The following ZNF100 variants were observed in gnomAD, a reference collection of about 807,000 sequenced individuals.
ZNF100 encodes the protein zinc finger protein 100.
ZNF100 carries 12 observed loss-of-function variants against 15.8 expected under a neutral mutation model. That is an observed-to-expected ratio of 0.76 (90% CI 0.49 to 1.23). The LOEUF is 1.23. ZNF100 is among the 50% of genes most tolerant of loss of function. The pLI is 0.00. For missense variants in ZNF100, 670 were observed against 635.6 expected (o/e 1.05, Z -0.58); for synonymous variants, 226 against 214.8 (o/e 1.05, Z -0.45).
chr19:21,744,904 C>T (rs4613201), intron 3 of ZNF100, 37 bp downstream of exon 3: 1,299,559 of 1,586,914 alleles, frequency 0.82, 537,692 homozygotes, highest in Non-Finnish European at 0.85. Flanking sequence ...GAAACCTTTA[C>T]GGTATATTAG....
chr19:21,760,481 C>T (rs2036464402), intron 2 of ZNF100, among the ~76,000 whole-genome samples: 1 of 151,430 alleles, frequency 6.6e-6, no homozygotes, highest in South Asian at 2.1e-4. Context: ...GGGGACAAAG[C>T]AAGACTCCAT....
At position 21,726,631 on chromosome 19, in the gene ZNF100, T is replaced by C; in HGVS notation, c.*52A>G. The C allele has an allele frequency of 6.6e-7, 1 of 1,507,056 alleles. No homozygotes were observed. The highest frequency in any genetic ancestry group is 1.4e-5 in the African/African-American group (1 of 71,284). The allele number at this position is 1,507,056 out of a possible 1,614,324, so 93.4% of individuals were successfully genotyped here. A position where few individuals can be genotyped will look rare whatever the true frequency, so the allele number is the denominator to read the frequency against. ...CACAGGAGTTCCCTCCAGTATGAAT[T>C]TTTTTATGTTTAGTAAGAGTTGAGG... On this transcript the variant is annotated 3_prime_UTR_variant, in exon 5 of 5. Transcript: ENST00000358296.
chr19:21,751,661 A>C lies in ZNF100; in HGVS notation c.97-6594T>G, dbSNP rs1028437683. The C allele has an allele frequency of 2.3e-5, 32 of 1,388,880 alleles. No individual in the cohort carries two copies. The African/African-American group carries it at 4.5e-4, about 19-fold the overall frequency. 86.0% of individuals were successfully genotyped at this position (1,388,880 alleles called of 1,614,324 possible). A position where few individuals can be genotyped will look rare whatever the true frequency, so the allele number is the denominator to read the frequency against. ...AGTTGAGGACATGAATGAAATGGAA[A>C]GGCATTTTTCGGAGCTTCTTCAGTT... On this transcript the variant is annotated intron_variant, in intron 2 of 4. Transcript: ENST00000358296.
Position 21,767,437 on chromosome 19 carries a change from C to G in ZNF100, c.-8G>C, listed in dbSNP as rs2036583632. 1.2e-6 allele frequency: 2 copies of G among 1,614,028 alleles called. No homozygotes were observed. The highest frequency in any genetic ancestry group is 2.2e-5 in the South Asian group (2 of 91,080). ...ACCGGGCACTCTCACCATTTCTAGGCTTCTAGGGGGTCCTGGCGTCTTAGC... is the reference window on the plus strand; with the variant it reads ...ACCGGGCACTCTCACCATTTCTAGGGTTCTAGGGGGTCCTGGCGTCTTAGC... On this transcript the variant is annotated 5_prime_UTR_variant, in exon 1 of 5. Coordinates refer to ENST00000358296, the MANE Select transcript of ZNF100 (RefSeq NM_173531.4).
Position 21,726,924 on chromosome 19 carries a change from C to T in ZNF100, c.1388G>A (p.Gly463Asp). 6.2e-7 allele frequency: 1 copy of T among 1,611,110 alleles called. No individual in the cohort carries two copies. The highest frequency in any genetic ancestry group is 8.5e-7 in the Non-Finnish European group (1 of 1,179,046). The change falls in exon 5 of 5, where the codon GGC (glycine) becomes GAC (aspartate). Residue 463 changes from glycine (G) to aspartate (D), a missense_variant. Coordinates refer to ENST00000358296, the MANE Select transcript of ZNF100 (RefSeq NM_173531.4). ...GEKPYKCDEC[G>D]KAFNRSSQLT... is the part of the protein sequence containing the mutation. ...TTGTGAGGACCGGTTAAAGGCTTTG[C>T]CACATTCGTCACATTTGTAGGGTTT...
chr19:21,727,212 T>A lies in ZNF100; in HGVS notation c.1100A>T (p.His367Leu). 1 of 1,613,256 alleles carries A rather than the reference T, an allele frequency of 6.2e-7. No homozygotes were observed. The highest frequency in any genetic ancestry group is 8.5e-7 in the Non-Finnish European group (1 of 1,179,390). ...ACATTTGTAAGGTTTCTCTCCAGCA[T>A]GAGTTATCTTATGTGTAGTAAGGGT... ...SSTLTTHKIT[H>L]AGEKPYKCEE... The change falls in exon 5 of 5, where the codon CAT (histidine) becomes CTT (leucine). Residue 367 changes from histidine to leucine, a missense_variant. By Grantham distance (99) the His-to-Leu change is moderately conservative (BLOSUM62 -3). Transcript: ENST00000358296.
At chr19:21,734,814 C>A in intron 4 of ZNF100, among the ~76,000 whole-genome samples, 1 of 152,090 alleles carries the variant, frequency 6.6e-6, no homozygotes, top group African/African-American at 2.4e-5. Flanking sequence ...AACCGGAAGG[C>A]CAGGTCACCC....
chr19:21,747,909 A>G (rs1484711882), intron 2 of ZNF100, among the ~76,000 whole-genome samples: 1 of 152,190 alleles, frequency 6.6e-6, no homozygotes, highest in East Asian at 1.9e-4. Context: ...GTGTTCAGTA[A>G]TTCTCAGGAT....
Position 21,728,491 on chromosome 19 carries a change from G to A in ZNF100, c.323-502C>T, listed in dbSNP as rs919357084. Among the ~76,000 whole-genome samples the A allele has an allele frequency of 3.3e-5, 5 of 152,090 alleles. No individual in the cohort carries two copies. In the East Asian group the frequency reaches 5.8e-4, roughly 18 times the overall value. On this transcript the variant is annotated intron_variant, in intron 4 of 4. Transcript: ENST00000358296. The stretch of plus-strand genomic sequence containing the variant: ...AAGGTAAATGTTTCAGCAACAGAGA[G>A]ACTGCTGTACCACAGACAGAAAACA...
chr19:21,732,102 C>T (rs541073296), intron 4 of ZNF100, among the ~76,000 whole-genome samples: 18 of 151,740 alleles, frequency 1.2e-4, no homozygotes, highest in Admixed American at 1.1e-3. Flanking sequence ...ACCCAGGAGG[C>T]GGAGGTTGCA....
At chr19:21,743,803 T>C (rs922272195) in intron 4 of ZNF100, among the ~76,000 whole-genome samples, 1 of 134,478 alleles carries the variant, frequency 7.4e-6, no homozygotes, top group Non-Finnish European at 1.5e-5. Flanking sequence ...GAAAGTAGAA[T>C]CTTTAAAGAA....
rs921287779 is a variant in ZNF100, at chr19:21,745,006, T to C, written c.158A>G (p.Asp53Gly). Reference sequence around the variant, plus strand: ...CCTATACAAACCCTGCTGAGCACTGTCCAGGCATTGCCACTCCTCCAGAGA... The same window carrying C: ...CCTATACAAACCCTGCTGAGCACTGCCCAGGCATTGCCACTCCTCCAGAGA... ...EFSLEEWQCL[D>G]SAQQGLYRKV... The change falls in exon 3 of 5, where the codon GAC becomes GGC. Residue 53 changes from aspartate (D) to glycine (G), a missense_variant. Asp to Gly is a moderately conservative substitution (Grantham distance 94). Transcript: ENST00000358296. The C allele has an allele frequency of 4.3e-6, 7 of 1,612,996 alleles. No individual in the cohort carries two copies. Among genetic ancestry groups the C allele is most frequent in the Non-Finnish European group, 5.9e-6 (7 of 1,179,858 alleles).
intron 4 of ZNF100, among the ~76,000 whole-genome samples, chr19:21,732,580 C>A (rs984358545): frequency 6.6e-6 from 1 of 151,314 alleles, no homozygotes; most frequent in African/African-American, 2.4e-5. Context: ...ACACAAGCAA[C>A]TGGTGTTAGG....
chr19:21,736,942 G>T (rs1301776854), intron 4 of ZNF100, among the ~76,000 whole-genome samples: 2 of 151,986 alleles, frequency 1.3e-5, no homozygotes, highest in African/African-American at 2.4e-5. Flanking sequence ...CAAAAAGCTA[G>T]AAAGATCTCA....
intron 2 of ZNF100, among the ~76,000 whole-genome samples, chr19:21,758,564 G>A (rs7254091): frequency 0.077 from 11,727 of 152,240 alleles, 681 homozygotes; most frequent in African/African-American, 0.17. Context: ...AGGACCCTAG[G>A]CTGGTGGAGA....
rs115649766 is a variant in ZNF100 at position 21,724,379 on chromosome 19, T to C, written c.*2304A>G. 16 of 152,308 alleles carry C rather than the reference T, an allele frequency of 1.1e-4. No individual in the cohort carries two copies. The highest frequency in any genetic ancestry group is 3.1e-4 in the African/African-American group (13 of 41,566). 9.4% of individuals were successfully genotyped at this position (152,308 alleles called of 1,614,324 possible). ...TTAGACTAACATATATTTAACTATA[T>C]GTAAATCAAAACTAAATGTCTGCAT... is the stretch of plus-strand genomic sequence containing the variant. On this transcript the variant is annotated 3_prime_UTR_variant, in exon 5 of 5. Transcript: ENST00000358296.
At chr19:21,737,454 G>A (rs2145702770) in intron 4 of ZNF100, among the ~76,000 whole-genome samples, 1 of 151,564 alleles carries the variant, frequency 6.6e-6, no homozygotes, top group South Asian at 2.1e-4. Flanking sequence ...AGAATTACTT[G>A]AACCCAGGAG....
intron 4 of ZNF100, among the ~76,000 whole-genome samples, chr19:21,733,290 T>C (rs528810568): frequency 2.0e-5 from 3 of 152,258 alleles, no homozygotes; most frequent in Non-Finnish European, 4.4e-5. Flanking sequence ...TGTAAGATAA[T>C]ATGGTTTTTA....
rs180939577 is a variant in ZNF100, at chr19:21,742,452, C to T, written c.322+1565G>A. Among the ~76,000 whole-genome samples, 599 of 141,890 alleles carry T rather than the reference C, an allele frequency of 4.2e-3. 4 individuals are homozygous for T. The highest frequency in any genetic ancestry group is 0.015 in the African/African-American group (571 of 38,170). The allele number at this position is 141,890 out of a possible 152,430, so 93.1% of individuals were successfully genotyped here. A position where few individuals can be genotyped will look rare whatever the true frequency, so the allele number is the denominator to read the frequency against. On this transcript the variant is annotated intron_variant, in intron 4 of 4. Coordinates refer to ENST00000358296, the MANE Select transcript of ZNF100 (RefSeq NM_173531.4). The stretch of plus-strand genomic sequence containing the variant: ...GAGGTTGCAGTGAGCTGAGATCGCG[C>T]TATTGCACTCCAGCCTGGGCAACAA...
Sources: gnomAD v4.1 joint callset for allele counts (sites outside exome capture counted in the v4.1 genomes callset) on GRCh38, gnomAD v4.1.1 for gene constraint, MANE v1.5 for transcripts, NCBI Gene and HGNC (gene_info 2026-07-23, HGNC 2026-07-21) for gene names.